Variants in MYO5B observed in about 807,000 individuals in gnomAD.
MYO5B encodes the protein myosin VB.
A neutral mutation model predicts 229.3 loss-of-function variants in MYO5B; 143 were observed. The ratio of observed to expected loss-of-function variants is 0.62; its 90% CI spans 0.54 to 0.72. The LOEUF is 0.72. Ranked by LOEUF, MYO5B falls within the 30% of genes least tolerant of loss-of-function variation. The pLI is 0.00. For synonymous variants in MYO5B, 918 were observed against 885.2 expected, an observed-to-expected ratio of 1.04 and a Z score of -0.66; for missense variants, 2,321 against 2,331.0, an observed-to-expected ratio of 1.00 and a Z score of 0.09.
chr18:49,841,500 G>T, intron 34 of MYO5B, 46 bp from the exon 35 acceptor site: 1 of 1,508,554 alleles, frequency 6.6e-7, no homozygotes. Flanking sequence ...GCTCCCATCT[G>T]GTGAAATGCT....
chr18:49,965,058 G>GA (rs2025606961), intron 10 of MYO5B, among the ~76,000 whole-genome samples: 2 of 152,212 alleles, frequency 1.3e-5, no homozygotes, highest in Admixed American at 6.5e-5. Flanking sequence ...TGAGCCGGGG[G>GA]AGAGTGTGCA....
chr18:49,915,219 C>T (rs910076542), intron 17 of MYO5B, among the ~76,000 whole-genome samples: 1 of 152,050 alleles, frequency 6.6e-6, no homozygotes, highest in Admixed American at 6.5e-5. Context: ...GTAAAATATA[C>T]CCCTTTAGAG....
intron 4 of MYO5B, among the ~76,000 whole-genome samples, chr18:50,006,830 G>C (rs1306983573): frequency 6.6e-6 from 1 of 152,170 alleles, no homozygotes; most frequent in Non-Finnish European, 1.5e-5. Context: ...GAGGCACCCA[G>C]GGAGCTCTGT....
At chr18:49,862,675 T>C (rs1048947372) in intron 29 of MYO5B, among the ~76,000 whole-genome samples, 1 of 152,192 alleles carries the variant, frequency 6.6e-6, no homozygotes, top group Admixed American at 6.5e-5. Flanking sequence ...CTCAGCTTAT[T>C]TTCGAGGGGA....
At position 49,954,528 on chromosome 18, in the gene MYO5B, T is replaced by C. The variant is rs1557359; in HGVS notation, c.1546-93A>G. On this transcript the variant is annotated intron_variant, in intron 12 of 39. Coordinates refer to ENST00000285039, the MANE Select transcript of MYO5B (RefSeq NM_001080467.3). ...AGGGATGGGACCAGTAGGCTGGCTC[T>C]GTGAAGGTTGATTCAGCCCTCGAAC... The C allele has an allele frequency of 0.44, 667,009 of 1,529,044 alleles. 147,860 individuals carry two copies. Among genetic ancestry groups the C allele is most frequent in the South Asian group, 0.54 (48,108 of 88,586 alleles). The allele number at this position is 1,529,044 out of a possible 1,614,324, so 94.7% of individuals were successfully genotyped here.
rs947418895 is a variant in MYO5B, at chr18:49,911,993, A to T, written c.2202+69T>A. 223 of 1,182,942 alleles carry T rather than the reference A, an allele frequency of 1.9e-4. 1 individual carries two copies. Among genetic ancestry groups the T allele is most frequent in the Non-Finnish European group, 2.4e-4 (192 of 787,238 alleles). 73.3% of individuals were successfully genotyped at this position (1,182,942 alleles called of 1,614,324 possible). On this transcript the variant is annotated intron_variant, in intron 18 of 39. Transcript: ENST00000285039. ...GAAGACCAAAAAAAAAATGTAGATA[A>T]CGACGCCACCCCCTCAATCTTTAGG...
Position 49,826,459 on chromosome 18 carries a change from AAACATGC to A in MYO5B, c.*5_*11del. On this transcript the variant is annotated 3_prime_UTR_variant, in exon 40 of 40. Coordinates refer to ENST00000285039, the MANE Select transcript of MYO5B (RefSeq NM_001080467.3). ...ACATTGGGAATCAAACTAATGCTGG[AAACATGC>A]ATCTTCAGACTTCATTGAGGAATTC... 1 of 1,613,768 alleles carries A rather than the reference AAACATGC, an allele frequency of 6.2e-7. No homozygotes were observed. The highest frequency in any genetic ancestry group is 8.5e-7 in the Non-Finnish European group (1 of 1,179,770).
At chr18:49,866,434 C>G (rs760844055) in intron 27 of MYO5B, among the ~76,000 whole-genome samples, 1 of 152,076 alleles carries the variant, frequency 6.6e-6, no homozygotes. Flanking sequence ...TGCAACCATC[C>G]CCACCATCCA....
At chr18:49,959,625 G>A (rs576348294) in intron 12 of MYO5B, among the ~76,000 whole-genome samples, 1 of 152,262 alleles carries the variant, frequency 6.6e-6, no homozygotes, top group Admixed American at 6.5e-5. Flanking sequence ...AGAGCCTGCC[G>A]CCCCACTCAG....
At chr18:50,073,768 T>C (rs111961512) in intron 1 of MYO5B, among the ~76,000 whole-genome samples, 2,250 of 152,222 alleles carry the variant, frequency 0.015, 23 homozygotes, top group Middle Eastern at 0.038. Flanking sequence ...TCCTAGTCTT[T>C]CCCACCTCAG....
intron 1 of MYO5B, among the ~76,000 whole-genome samples, chr18:50,118,661 G>C (rs12967269): frequency 0.25 from 33,061 of 132,170 alleles, 3,929 homozygotes; most frequent in Middle Eastern, 0.3. Context: ...GTCTCGCTTT[G>C]TCGCCCAGGC....
intron 6 of MYO5B, among the ~76,000 whole-genome samples, chr18:49,991,215 T>C (rs563259382): frequency 1.1e-4 from 16 of 152,130 alleles, no homozygotes; most frequent in Non-Finnish European, 1.5e-5. Context: ...GTGAGGTGCA[T>C]ATAAAATGCA....
intron 1 of MYO5B, among the ~76,000 whole-genome samples, chr18:50,122,595 G>T (rs1312766014): frequency 1.1e-5 from 1 of 93,428 alleles, no homozygotes; most frequent in African/African-American, 3.6e-5. Context: ...GAAGAGAGGG[G>T]GAGAGAGAGA....
At chr18:50,172,327 A>C (rs1435892571) in intron 1 of MYO5B, among the ~76,000 whole-genome samples, 1 of 150,994 alleles carries the variant, frequency 6.6e-6, no homozygotes, top group Non-Finnish European at 1.5e-5. Flanking sequence ...GTGCTAGCAC[A>C]TTAGTGAGTG....
At chr18:50,041,380 T>C (rs566585435) in intron 2 of MYO5B, among the ~76,000 whole-genome samples, 1 of 152,166 alleles carries the variant, frequency 6.6e-6, no homozygotes, top group Non-Finnish European at 1.5e-5. Flanking sequence ...AATGTTCCTC[T>C]CACCCCATCT....
At chr18:50,173,227 T>C (rs1341232799) in intron 1 of MYO5B, among the ~76,000 whole-genome samples, 2 of 149,532 alleles carry the variant, frequency 1.3e-5, no homozygotes, top group East Asian at 4.0e-4. Flanking sequence ...ATCACACCAC[T>C]GCACTCCAGC....
At chr18:50,022,412 C>A (rs1314427696) in intron 4 of MYO5B, among the ~76,000 whole-genome samples, 2 of 152,178 alleles carry the variant, frequency 1.3e-5, no homozygotes, top group Non-Finnish European at 2.9e-5. Flanking sequence ...TTTTGAAATA[C>A]ATTAATACAC....
At chr18:49,863,154 C>T (rs1032491371) in intron 29 of MYO5B, 73 bp downstream of exon 29, 5 of 1,187,548 alleles carry the variant, frequency 4.2e-6, no homozygotes, top group Non-Finnish European at 6.3e-6. Context: ...CTGAGGAAAA[C>T]CCCAAACAGA....
intron 1 of MYO5B, among the ~76,000 whole-genome samples, chr18:50,111,788 C>T (rs2031869349): frequency 6.6e-6 from 1 of 152,218 alleles, no homozygotes; most frequent in Non-Finnish European, 1.5e-5. Flanking sequence ...ATTTCTAAGT[C>T]TTAGCCCTTT....
Sources: gnomAD v4.1 joint callset for allele counts (sites outside exome capture counted in the v4.1 genomes callset) on GRCh38, gnomAD v4.1.1 for gene constraint, MANE v1.5 for transcripts, NCBI Gene and HGNC (gene_info 2026-07-23, HGNC 2026-07-21) for gene names.